Variants in DNAH7 observed in about 807,000 individuals in gnomAD.
DNAH7 encodes the protein dynein axonemal heavy chain 7, also known as axonemal beta dynein heavy chain 7.
In DNAH7, 397 loss-of-function variants were observed where a neutral mutation model predicts 444.6. The ratio of observed to expected loss-of-function variants is 0.89; its 90% confidence interval spans 0.82 to 0.97. The LOEUF is 0.97. DNAH7 is among the 50% of genes least tolerant of loss of function. The pLI, the probability that DNAH7 is intolerant of heterozygous loss-of-function variation, is 0.00. For missense variants in DNAH7, 4,902 were observed against 4,800.8 expected, an observed-to-expected ratio of 1.02 and a Z score of -0.62; for synonymous variants, 1,636 against 1,624.4, an observed-to-expected ratio of 1.01 and a Z score of -0.17.
intron 12 of DNAH7, among the ~76,000 whole-genome samples, chr2:195,992,356 C>T (rs531301120): frequency 2.6e-5 from 4 of 152,330 alleles, no homozygotes; most frequent in African/African-American, 7.2e-5. Flanking sequence ...AAGAAAAAGG[C>T]AGATAGTCTT....
At chr2:196,008,246 A>T (rs1442899726) in intron 10 of DNAH7, among the ~76,000 whole-genome samples, 2 of 151,980 alleles carry the variant, frequency 1.3e-5, no homozygotes, top group Admixed American at 1.3e-4. Context: ...CAACTTCATA[A>T]CCACGAGGGT....
chr2:195,993,713 A>T (rs1353395250), intron 12 of DNAH7, among the ~76,000 whole-genome samples: 1 of 152,230 alleles, frequency 6.6e-6, no homozygotes, highest in East Asian at 1.9e-4. Flanking sequence ...TTGAATTTAA[A>T]TATTTCTAAG....
chr2:196,015,338 C>T (rs981169881), intron 9 of DNAH7, among the ~76,000 whole-genome samples: 13 of 151,972 alleles, frequency 8.6e-5, no homozygotes, highest in East Asian at 7.7e-4. Flanking sequence ...GTGTGCTGTA[C>T]GGTAAATCAA....
chr2:195,758,573 A>T (rs1453882588), intron 61 of DNAH7, among the ~76,000 whole-genome samples: 1 of 152,192 alleles, frequency 6.6e-6, no homozygotes, highest in Non-Finnish European at 1.5e-5. Context: ...GCAACTTCAT[A>T]AGAACCAAAA....
intron 15 of DNAH7, among the ~76,000 whole-genome samples, chr2:195,980,015 T>C (rs1692457414): frequency 7.2e-6 from 1 of 138,192 alleles, no homozygotes; most frequent in African/African-American, 2.7e-5. Context: ...CACGACCTGA[T>C]GGCTTCACTG....
At chr2:195,928,603 T>A (rs566894185) in intron 21 of DNAH7, among the ~76,000 whole-genome samples, 3 of 152,208 alleles carry the variant, frequency 2.0e-5, no homozygotes, top group Non-Finnish European at 4.4e-5. Flanking sequence ...CACACAAAAA[T>A]TAAAATTCAA....
chr2:195,904,159 G>C lies in DNAH7; in HGVS notation c.4335+2500C>G, dbSNP rs78778584. 977 of 152,222 alleles carry C rather than the reference G, an allele frequency of 6.4e-3. 5 individuals are homozygous for C. Among genetic ancestry groups the C allele is most frequent in the Non-Finnish European group, 0.011 (722 of 68,076 alleles). 9.4% of individuals were successfully genotyped at this position (152,222 alleles called of 1,614,324 possible). On this transcript the variant is annotated intron_variant, in intron 27 of 64. Transcript: ENST00000312428. ...ACAGAATCCATCACTCAAGCCTCAG[G>C]AATTACAAGTAGACTCCTCCTAATG... is the stretch of plus-strand genomic sequence containing the variant.
chr2:195,840,630 GAACT>G (rs1698628662), intron 47 of DNAH7, among the ~76,000 whole-genome samples: 2 of 151,746 alleles, frequency 1.3e-5, no homozygotes, highest in African/African-American at 4.8e-5. Context: ...AAAGATCCCA[GAACT>G]AATAAATGAG....
chr2:196,047,242 C>G lies in DNAH7; in HGVS notation c.398+110G>C, dbSNP rs1697190041. ...TATTTATACTCTGACCTCATTCCAACAAGCCTTTGAGGCACCCTTAGAGAT... is the reference window on the plus strand; with the variant it reads ...TATTTATACTCTGACCTCATTCCAAGAAGCCTTTGAGGCACCCTTAGAGAT... On this transcript the variant is annotated intron_variant, in intron 5 of 64. Coordinates refer to ENST00000312428, the MANE Select transcript of DNAH7 (RefSeq NM_018897.3). 8.5e-6 allele frequency: 8 copies of G among 945,868 alleles called. 1 individual carries two copies. The South Asian group carries it at 2.4e-4, about 28-fold the overall frequency. The allele number at this position is 945,868 out of a possible 1,614,324, so 58.6% of individuals were successfully genotyped here.
rs558392921 is a variant in DNAH7 at position 195,864,391 on chromosome 2, G to T, written c.7264C>A (p.Pro2422Thr). 13 of 1,614,076 alleles carry T rather than the reference G, an allele frequency of 8.1e-6. No homozygotes were observed. The East Asian group carries it at 2.5e-4, about 30-fold the overall frequency. The change falls in exon 41 of 65, where the codon CCA (proline) becomes ACA (threonine). Residue 2422 changes from proline to threonine, a missense_variant. Transcript: ENST00000312428. ...VSNLLNAGEI[P>T]NLFALDEKQE... ...TTCTCATCTAATGCAAAGAGATTTG[G>T]AATCTCCCCAGCATTTAGCAGATTA...
At chr2:196,022,351 G>A (rs1695433967) in intron 8 of DNAH7, among the ~76,000 whole-genome samples, 2 of 152,118 alleles carry the variant, frequency 1.3e-5, no homozygotes, top group Admixed American at 1.3e-4. Flanking sequence ...AGCATTCAAT[G>A]CTATTCGATA....
intron 5 of DNAH7, among the ~76,000 whole-genome samples, chr2:196,046,250 A>C (rs1697117629): frequency 6.6e-6 from 1 of 152,212 alleles, no homozygotes; most frequent in South Asian, 2.1e-4. Context: ...TTGGATTTTC[A>C]TGCCCATATG....
chr2:195,950,451 G>C (rs1238786362), intron 19 of DNAH7, among the ~76,000 whole-genome samples: 2 of 152,164 alleles, frequency 1.3e-5, no homozygotes, highest in South Asian at 2.1e-4. Context: ...GGCCGGTGGT[G>C]ATATCCCCTT....
chr2:195,764,558 G>C (rs11901479), intron 61 of DNAH7, among the ~76,000 whole-genome samples: 1 of 151,828 alleles, frequency 6.6e-6, no homozygotes, highest in Non-Finnish European at 1.5e-5. Context: ...TAAAATCAAC[G>C]TACAAAAATT....
intron 5 of DNAH7, among the ~76,000 whole-genome samples, chr2:196,042,530 A>C (rs1171200787): frequency 6.6e-6 from 1 of 151,882 alleles, no homozygotes; most frequent in African/African-American, 2.4e-5. Context: ...TACGCAATAA[A>C]AAAAGGGCCA....
At chr2:195,963,474 C>A (rs1345189243) in intron 17 of DNAH7, among the ~76,000 whole-genome samples, 1 of 152,160 alleles carries the variant, frequency 6.6e-6, no homozygotes, top group Non-Finnish European at 1.5e-5. Flanking sequence ...GATTTTCCAA[C>A]AGAGTTGTAT....
chr2:195,985,093 T>C (rs1692819610), intron 14 of DNAH7, among the ~76,000 whole-genome samples: 1 of 152,192 alleles, frequency 6.6e-6, no homozygotes, highest in Non-Finnish European at 1.5e-5. Context: ...TGATTAACTA[T>C]ACTTGGAGGG....
chr2:195,781,338 G>C (rs1695363187), intron 58 of DNAH7, among the ~76,000 whole-genome samples: 1 of 152,192 alleles, frequency 6.6e-6, no homozygotes, highest in Admixed American at 6.5e-5. Flanking sequence ...GAGATATGGA[G>C]GAGGAGAATT....
At position 196,022,732 on chromosome 2, in the gene DNAH7, C is replaced by A. The variant is rs137982139; in HGVS notation, c.743+1697G>T. On this transcript the variant is annotated intron_variant, in intron 8 of 64. Transcript: ENST00000312428. ...GGGTTGAACTTCTTCCAAACTTCTG[C>A]TCATGTTGATATTTTTACCACCTTG... Among the ~76,000 whole-genome samples, 70 of 152,318 alleles carry A rather than the reference C, an allele frequency of 4.6e-4. 2 individuals are homozygous for A. Among genetic ancestry groups the A allele is most frequent in the African/African-American group, 1.7e-3 (69 of 41,570 alleles).
Sources: allele counts gnomAD v4.1 joint callset (sites outside exome capture counted in the v4.1 genomes callset), GRCh38; gene constraint gnomAD v4.1.1; transcripts MANE v1.5; gene names NCBI Gene and HGNC (gene_info 2026-07-23, HGNC 2026-07-21).